The following CNTN5 variants were observed in gnomAD, a reference collection of about 807,000 sequenced individuals.
CNTN5 encodes the protein contactin 5, also known as contactin-5.
CNTN5 carries 77 observed loss-of-function variants against 129.1 expected under a neutral mutation model. The ratio of observed to expected loss-of-function variants is 0.60; its 90% CI spans 0.50 to 0.72. The LOEUF (loss-of-function observed/expected upper bound fraction) is 0.72, where lower values mean the gene tolerates loss of function less well. CNTN5 is among the 30% of genes least tolerant of loss of function. CNTN5 has a pLI of 0.00. For missense variants in CNTN5, 1,478 were observed against 1,328.8 expected, an observed-to-expected ratio of 1.11 and a Z score of -1.75; for synonymous variants, 509 against 465.6, an observed-to-expected ratio of 1.09 and a Z score of -1.20.
chr11:99,899,255 G>A (rs1399254097), intron 6 of CNTN5, among the ~76,000 whole-genome samples: 5 of 151,960 alleles, frequency 3.3e-5, no homozygotes, highest in African/African-American at 4.8e-5. Flanking sequence ...GGGACTTCCA[G>A]TATTATATTG....
At chr11:99,805,856 A>T (rs1448640461) in intron 3 of CNTN5, among the ~76,000 whole-genome samples, 4 of 152,220 alleles carry the variant, frequency 2.6e-5, no homozygotes, top group African/African-American at 9.6e-5. Flanking sequence ...GTCACCTAAA[A>T]AGCCAGAATT....
chr11:99,600,844 T>C (rs1950290822), intron 3 of CNTN5, among the ~76,000 whole-genome samples: 1 of 152,198 alleles, frequency 6.6e-6, no homozygotes, highest in Non-Finnish European at 1.5e-5. Context: ...TAGGATGACA[T>C]TTTCAAGAAG....
intron 2 of CNTN5, among the ~76,000 whole-genome samples, chr11:99,450,257 AATATATAT>A (rs56270711): frequency 0.021 from 3,083 of 145,934 alleles, 124 homozygotes; most frequent in East Asian, 0.16. Context: ...TGCTGGTAGA[AATATATAT>A]ATATATATAT....
At chr11:99,366,575 T>A (rs542997237) in intron 2 of CNTN5, among the ~76,000 whole-genome samples, 1 of 152,278 alleles carries the variant, frequency 6.6e-6, no homozygotes, top group African/African-American at 2.4e-5. Context: ...ATAGTTATAA[T>A]TAAAAATCAC....
chr11:99,678,914 A>G (rs953840553), intron 3 of CNTN5, among the ~76,000 whole-genome samples: 7 of 150,574 alleles, frequency 4.6e-5, no homozygotes, highest in East Asian at 1.9e-4. Flanking sequence ...CATTCCAACC[A>G]CTGTCTCTTT....
At chr11:100,125,231 T>C (rs925646356) in intron 13 of CNTN5, among the ~76,000 whole-genome samples, 4 of 152,058 alleles carry the variant, frequency 2.6e-5, no homozygotes, top group African/African-American at 9.7e-5. Context: ...ATTAACTGGG[T>C]ATATTGCATG....
At chr11:99,927,223 CT>C (rs1187848368) in intron 7 of CNTN5, among the ~76,000 whole-genome samples, 2 of 152,178 alleles carry the variant, frequency 1.3e-5, no homozygotes, top group East Asian at 3.9e-4. Flanking sequence ...ATCTTTATCC[CT>C]GTTTTATAAG....
chr11:99,781,676 C>T (rs1346292543), intron 3 of CNTN5, among the ~76,000 whole-genome samples: 3 of 152,006 alleles, frequency 2.0e-5, no homozygotes, highest in South Asian at 2.1e-4. Context: ...GGTTTCAATT[C>T]GATCAACATA....
rs559709055 is a variant in CNTN5, at chr11:99,742,056, A to C, written c.56-77488A>C. ...TATAAAAGAGAAATAGGGGAAATGT[A>C]ACTACTAAATGTTATGTGCAAGCAA... On this transcript the variant is annotated intron_variant, in intron 3 of 24. Coordinates refer to ENST00000524871, the MANE Select transcript of CNTN5 (RefSeq NM_014361.4). Among the ~76,000 whole-genome samples, 21 of 152,196 alleles carry C rather than the reference A, an allele frequency of 1.4e-4. 1 individual carries two copies. Among genetic ancestry groups the C allele is most frequent in the Non-Finnish European group, 2.1e-4 (14 of 68,000 alleles).
At chr11:99,554,494 C>G (rs750487810) in intron 2 of CNTN5, among the ~76,000 whole-genome samples, 1 of 152,024 alleles carries the variant, frequency 6.6e-6, no homozygotes, top group South Asian at 2.1e-4. Flanking sequence ...GTCCCAGAAA[C>G]AGCCCTTAAG....
At chr11:99,320,590 G>A (rs1328400362) in intron 1 of CNTN5, among the ~76,000 whole-genome samples, 1 of 152,018 alleles carries the variant, frequency 6.6e-6, no homozygotes, top group African/African-American at 2.4e-5. Context: ...CTAAGGCACA[G>A]AAAAAGAAAA....
intron 1 of CNTN5, among the ~76,000 whole-genome samples, chr11:99,215,175 C>T (rs1477671062): frequency 1.3e-5 from 2 of 152,090 alleles, no homozygotes; most frequent in Admixed American, 1.3e-4. Flanking sequence ...CTTATCTTCT[C>T]AGTGTAAAAC....
At chr11:99,969,633 T>C (rs1951194351) in intron 8 of CNTN5, among the ~76,000 whole-genome samples, 1 of 152,172 alleles carries the variant, frequency 6.6e-6, no homozygotes, top group South Asian at 2.1e-4. Context: ...TCAGCCTTCA[T>C]TATTCTGACC....
Position 99,956,846 on chromosome 11 carries a change from T to C in CNTN5, c.714T>C (p.Phe238=). ...YSWVFNEFPS[F]VAEDSRRFIS... The stretch of plus-strand genomic sequence containing the variant: ...GGGTATTTAATGAGTTCCCTTCCTT[T>C]GTGGCGGAAGACAGCCGGCGGTTCA... The change falls in exon 8 of 25, where the codon TTT becomes TTC. Residue 238 remains phenylalanine, a synonymous_variant. Transcript: ENST00000524871. 2 of 1,613,950 alleles carry C rather than the reference T, an allele frequency of 1.2e-6. No individual in the cohort carries two copies. Among genetic ancestry groups the C allele is most frequent in the Non-Finnish European group, 1.7e-6 (2 of 1,179,856 alleles).
chr11:99,542,580 C>G (rs2135499569), intron 2 of CNTN5, among the ~76,000 whole-genome samples: 1 of 152,294 alleles, frequency 6.6e-6, no homozygotes, highest in East Asian at 1.9e-4. Context: ...GTTTACTAGT[C>G]TCTCTGGCCC....
At chr11:99,127,958 G>A (rs1858727460) in intron 1 of CNTN5, among the ~76,000 whole-genome samples, 1 of 152,084 alleles carries the variant, frequency 6.6e-6, no homozygotes, top group South Asian at 2.1e-4. Flanking sequence ...GGTGTTAATA[G>A]TTTTTATTTA....
chr11:100,063,363 G>A (rs976152214), intron 10 of CNTN5, among the ~76,000 whole-genome samples: 22 of 151,370 alleles, frequency 1.5e-4, no homozygotes, highest in Non-Finnish European at 2.1e-4. Flanking sequence ...TACCCAAAGC[G>A]TGCATCACTT....
At chr11:99,587,823 G>A (rs996166271) in intron 3 of CNTN5, among the ~76,000 whole-genome samples, 1 of 152,192 alleles carries the variant, frequency 6.6e-6, no homozygotes, top group Non-Finnish European at 1.5e-5. Context: ...TTTCAAAAGA[G>A]TGCTTTAATA....
At chr11:99,482,459 A>C (rs1945638185) in intron 2 of CNTN5, among the ~76,000 whole-genome samples, 1 of 152,194 alleles carries the variant, frequency 6.6e-6, no homozygotes, top group Non-Finnish European at 1.5e-5. Context: ...ATTTAAACTT[A>C]AATTTCAAAA....
Sources: allele counts gnomAD v4.1 joint callset (sites outside exome capture counted in the v4.1 genomes callset), GRCh38; gene constraint gnomAD v4.1.1; transcripts MANE v1.5; gene names NCBI Gene and HGNC (gene_info 2026-07-23, HGNC 2026-07-21).